Variants in RTN1 observed in about 807,000 individuals in gnomAD.
RTN1 encodes the protein reticulon 1.
In RTN1, 25 loss-of-function variants were observed where a neutral mutation model predicts 65.5. The observed-to-expected ratio is 0.38, with a 90% CI of 0.28 to 0.53. The LOEUF (loss-of-function observed/expected upper bound fraction) is 0.53. RTN1 is among the 20% of genes least tolerant of loss of function. The pLI is 0.79. For synonymous variants in RTN1, 471 were observed against 447.6 expected (o/e 1.05, Z -0.66); for missense variants, 983 against 1,025.4 (o/e 0.96, Z 0.57).
intron 1 of RTN1, among the ~76,000 whole-genome samples, chr14:59,753,916 T>C (rs1445100826): frequency 1.3e-5 from 2 of 152,240 alleles, no homozygotes; most frequent in Non-Finnish European, 2.9e-5. Flanking sequence ...AGCTGTTTCC[T>C]GGACCATCTA....
chr14:59,767,755 C>T (rs1367209241), intron 1 of RTN1, among the ~76,000 whole-genome samples: 6 of 152,282 alleles, frequency 3.9e-5, no homozygotes, highest in Middle Eastern at 3.4e-3. Context: ...CCCTATGGTG[C>T]TTTCCTTTAG....
chr14:59,862,216 T>C (rs931525290), intron 1 of RTN1, among the ~76,000 whole-genome samples: 5 of 152,234 alleles, frequency 3.3e-5, no homozygotes, highest in Middle Eastern at 3.2e-3. Context: ...CTGTTCTTCC[T>C]TCCCCCTAAA....
rs568772722 is a variant in RTN1, at chr14:59,829,262, A to G, written c.241+41128T>C. Among the ~76,000 whole-genome samples the G allele has an allele frequency of 6.6e-6, 1 of 152,366 alleles. No homozygotes were observed. Among genetic ancestry groups the G allele is most frequent in the East Asian group, 1.9e-4 (1 of 5,190 alleles). On this transcript the variant is annotated intron_variant, in intron 1 of 8. Coordinates refer to ENST00000267484, the MANE Select transcript of RTN1 (RefSeq NM_021136.3). The surrounding 1 kb of genome is among the most constrained non-coding windows in gnomAD (Gnocchi z 4.3). Reference sequence around the variant, plus strand: ...TGTGATCTGGCAGATGAGCAATAAAAATATACATGAGTATAATACAGGGAA... The same window carrying G: ...TGTGATCTGGCAGATGAGCAATAAAGATATACATGAGTATAATACAGGGAA...
rs144561240 is a variant in RTN1 at position 59,827,065 on chromosome 14, TTTGTTGTTG to T, written c.241+43316_241+43324del. Among the ~76,000 whole-genome samples the T allele has an allele frequency of 2.5e-3, 373 of 151,236 alleles. 9 individuals are homozygous for T. The East Asian group carries it at 0.061, about 25-fold the overall frequency. On this transcript the variant is annotated intron_variant, in intron 1 of 8. Transcript: ENST00000267484. ...TCAACAAGGACATGTGTATATGTGT[TTTGTTGTTG>T]TTGTTGTTGTTGTTGTTGTTTTGAG...
chr14:59,723,915 C>T (rs1414379237), intron 3 of RTN1, among the ~76,000 whole-genome samples: 1 of 152,218 alleles, frequency 6.6e-6, no homozygotes, highest in Non-Finnish European at 1.5e-5. Context: ...ACGGCACACT[C>T]TAATAAAAAG....
intron 3 of RTN1, among the ~76,000 whole-genome samples, chr14:59,668,679 G>A (rs1370313776): frequency 2.0e-5 from 3 of 152,058 alleles, no homozygotes; most frequent in Non-Finnish European, 2.9e-5. Flanking sequence ...CTACAGAATC[G>A]GAGAAAATTT....
At chr14:59,683,383 T>C (rs1333165456) in intron 3 of RTN1, among the ~76,000 whole-genome samples, 1 of 152,112 alleles carries the variant, frequency 6.6e-6, no homozygotes, top group African/African-American at 2.4e-5. Context: ...CACATCTTTA[T>C]CTGTCAATTC....
At position 59,607,200 on chromosome 14, in the gene RTN1, A is replaced by T. The variant is rs149385583; in HGVS notation, c.1973+85T>A. 6.3e-4 allele frequency: 741 copies of T among 1,185,006 alleles called. 1 individual carries two copies. Among genetic ancestry groups the T allele is most frequent in the Non-Finnish European group, 8.5e-4 (690 of 816,176 alleles). 73.4% of individuals were successfully genotyped at this position (1,185,006 alleles called of 1,614,324 possible). A position where few individuals can be genotyped will look rare whatever the true frequency, so the allele number is the denominator to read the frequency against. ...GTCTGTTGGGTCTCAGAGAAACATG[A>T]CTCAAGTGCATCTGTGAGCTGAAAT... On this transcript the variant is annotated intron_variant, in intron 4 of 8. Transcript: ENST00000267484.
chr14:59,739,557 T>A lies in RTN1; in HGVS notation c.1015+6151A>T, dbSNP rs76118602. Reference sequence around the variant, plus strand: ...CTCTGTCTCAAAAAAAAAAAAAAAATGGGAGGGAGGGAAGTAGAAGGAGTA... The same window carrying A: ...CTCTGTCTCAAAAAAAAAAAAAAAAAGGGAGGGAGGGAAGTAGAAGGAGTA... On this transcript the variant is annotated intron_variant, in intron 2 of 8. Coordinates refer to ENST00000267484, the MANE Select transcript of RTN1 (RefSeq NM_021136.3). Among the ~76,000 whole-genome samples, 338 of 117,818 alleles carry A rather than the reference T, an allele frequency of 2.9e-3. 2 individuals are homozygous for A. The highest frequency in any genetic ancestry group is 0.012 in the African/African-American group (259 of 21,492). 77.3% of individuals were successfully genotyped at this position (117,818 alleles called of 152,430 possible). A position where few individuals can be genotyped will look rare whatever the true frequency, so the allele number is the denominator to read the frequency against.
At chr14:59,812,084 T>G (rs1472263209) in intron 1 of RTN1, among the ~76,000 whole-genome samples, 1 of 152,126 alleles carries the variant, frequency 6.6e-6, no homozygotes, top group African/African-American at 2.4e-5. Context: ...CACTGAATCT[T>G]CAGAAGCAAA....
At chr14:59,706,616 G>A (rs138123303) in intron 3 of RTN1, among the ~76,000 whole-genome samples, 58 of 152,322 alleles carry the variant, frequency 3.8e-4, no homozygotes, top group Non-Finnish European at 6.8e-4. Flanking sequence ...ATGTGAGTGT[G>A]TGCACACGTG....
rs972613320 is a variant in RTN1 at position 59,846,493 on chromosome 14, T to C, written c.241+23897A>G. Among the ~76,000 whole-genome samples the C allele has an allele frequency of 6.6e-6, 1 of 151,908 alleles. No individual in the cohort carries two copies. The highest frequency in any genetic ancestry group is 1.5e-5 in the Non-Finnish European group (1 of 67,988). On this transcript the variant is annotated intron_variant, in intron 1 of 8. Transcript: ENST00000267484. The surrounding 1 kb of genome is among the most constrained non-coding windows in gnomAD (Gnocchi z 4.8). ...TGTTCCTGAGGTCTCAGTATTCACC[T>C]CAGAGTCCCTACCCAGACACCCTTC...
intron 3 of RTN1, among the ~76,000 whole-genome samples, chr14:59,686,427 A>C (rs1322077690): frequency 6.6e-6 from 1 of 152,234 alleles, no homozygotes; most frequent in African/African-American, 2.4e-5. Flanking sequence ...TACCTCTGAT[A>C]AGGAGTTACT....
At position 59,870,503 on chromosome 14, in the gene RTN1, T is replaced by A. The variant is rs1272256526; in HGVS notation, c.128A>T (p.Gln43Leu). ...VTPKGATPAP[Q>L]AGEPSPGLGA... ...CAACCCCGGGCTGGGCTCCCCAGCCTGCGGCGCCGGCGTGGCCCCTTTCGG... is the reference window on the plus strand; with the variant it reads ...CAACCCCGGGCTGGGCTCCCCAGCCAGCGGCGCCGGCGTGGCCCCTTTCGG... The change falls in exon 1 of 9, where the codon CAG (glutamine) becomes CTG (leucine). Residue 43 changes from glutamine to leucine, a missense_variant. Gln to Leu is a moderately radical substitution (Grantham distance 113). Coordinates refer to ENST00000267484, the MANE Select transcript of RTN1 (RefSeq NM_021136.3). This position sits in a 1 kb window ranked among gnomAD's most constrained non-coding sequence, Gnocchi z 5.1. 1 of 1,456,230 alleles carries A rather than the reference T, an allele frequency of 6.9e-7. No individual in the cohort carries two copies. The highest frequency in any genetic ancestry group is 2.5e-5 in the Admixed American group (1 of 39,400). The allele number at this position is 1,456,230 out of a possible 1,614,324, so 90.2% of individuals were successfully genotyped here. A position where few individuals can be genotyped will look rare whatever the true frequency, so the allele number is the denominator to read the frequency against.
intron 1 of RTN1, among the ~76,000 whole-genome samples, chr14:59,784,599 G>C (rs1320794778): frequency 1.3e-5 from 2 of 152,180 alleles, no homozygotes; most frequent in African/African-American, 4.8e-5. Context: ...CTTTAATACT[G>C]TTGGAAAATA....
At chr14:59,785,439 C>T (rs1423767481) in intron 1 of RTN1, among the ~76,000 whole-genome samples, 9 of 152,158 alleles carry the variant, frequency 5.9e-5, no homozygotes, top group Admixed American at 2.0e-4. Context: ...TAAAACTTCC[C>T]AGATCTGAAT....
intron 1 of RTN1, among the ~76,000 whole-genome samples, chr14:59,747,628 A>C (rs572641566): frequency 6.6e-6 from 1 of 151,736 alleles, no homozygotes; most frequent in Non-Finnish European, 1.5e-5. Flanking sequence ...AAAAATAGTG[A>C]GCATAAAAGG....
chr14:59,747,328 G>A (rs1449774473), intron 1 of RTN1, among the ~76,000 whole-genome samples: 4 of 152,226 alleles, frequency 2.6e-5, no homozygotes, highest in African/African-American at 9.7e-5. Context: ...AGTGGGCATA[G>A]GCCAGGTGCA....
intron 1 of RTN1, among the ~76,000 whole-genome samples, chr14:59,865,514 G>A (rs1003404110): frequency 6.6e-6 from 1 of 152,152 alleles, no homozygotes; most frequent in Non-Finnish European, 1.5e-5. Flanking sequence ...AAATTAGGGA[G>A]CTCAAATAAG....
Sources: allele counts gnomAD v4.1 joint callset (sites outside exome capture counted in the v4.1 genomes callset), GRCh38; gene constraint gnomAD v4.1.1; non-coding constraint Gnocchi (gnomAD v3.1); transcripts MANE v1.5; gene names NCBI Gene and HGNC (gene_info 2026-07-23, HGNC 2026-07-21).